The following CERKL variants were observed in gnomAD, a reference collection of about 807,000 sequenced individuals.
CERKL encodes ceramide kinase-like protein.
Under a neutral mutation model 63.4 loss-of-function variants are expected in CERKL, and 61 were observed. The ratio of observed to expected loss-of-function variants is 0.96; its 90% CI spans 0.78 to 1.19. The LOEUF is 1.19. Among genes scored for constraint, CERKL ranks in the 50% most tolerant of loss-of-function variants. CERKL has a pLI of 0.00. For synonymous variants in CERKL, 250 were observed against 230.5 expected (o/e 1.08, Z -0.77); for missense variants, 675 against 655.5 (o/e 1.03, Z -0.33).
chr2:181,629,231 A>G (rs1686844882), intron 1 of CERKL, among the ~76,000 whole-genome samples: 2 of 152,184 alleles, frequency 1.3e-5, no homozygotes, highest in African/African-American at 4.8e-5. Flanking sequence ...TAACCAAAAA[A>G]AAAGGTAATC....
intron 5 of CERKL, among the ~76,000 whole-genome samples, chr2:181,551,169 G>A (rs1687970889): frequency 6.6e-6 from 1 of 152,128 alleles, no homozygotes; most frequent in Non-Finnish European, 1.5e-5. Context: ...AATTGCCTTT[G>A]TTTGTAGGCA....
chr2:181,547,890 C>G (rs184936801), intron 8 of CERKL, 43 bp from the exon 9 acceptor site: 19 of 1,564,526 alleles, frequency 1.2e-5, no homozygotes, highest in Non-Finnish European at 1.6e-5. Flanking sequence ...ACAGATAACG[C>G]GCGCACAGAC....
chr2:181,562,749 TG>T (rs1346953964), intron 4 of CERKL, among the ~76,000 whole-genome samples: 1 of 152,194 alleles, frequency 6.6e-6, no homozygotes, highest in Non-Finnish European at 1.5e-5. Flanking sequence ...TTTTAATGAA[TG>T]TTTTTATACT....
chr2:181,589,983 T>C, intron 2 of CERKL, among the ~76,000 whole-genome samples: 1 of 151,970 alleles, frequency 6.6e-6, no homozygotes, highest in Admixed American at 6.6e-5. Flanking sequence ...CAGCTAATTT[T>C]TTTTTTTTTC....
In CERKL at chr2:181,558,755, T is replaced by A; in HGVS notation, c.678-47A>T. 6.3e-7 allele frequency: 1 copy of A among 1,594,696 alleles called. No homozygotes were observed. On this transcript the variant is annotated intron_variant, in intron 4 of 12. Coordinates refer to ENST00000410087, the MANE Select transcript of CERKL (RefSeq NM_201548.5). The surrounding 1 kb of genome is among the most constrained non-coding windows in gnomAD (Gnocchi z 4.2). ...AAAGAAGGCAAAACTTCAGAATGAT[T>A]GGTAATAAGTCATGAAATCTAGACT...
intron 1 of CERKL, among the ~76,000 whole-genome samples, chr2:181,644,400 T>C (rs549985852): frequency 6.6e-6 from 1 of 152,380 alleles, no homozygotes; most frequent in African/African-American, 2.4e-5. Flanking sequence ...TGTATGATTC[T>C]ATAATTAAAA....
chr2:181,616,281 T>C (rs1398403487), intron 1 of CERKL, among the ~76,000 whole-genome samples: 1 of 148,856 alleles, frequency 6.7e-6, no homozygotes, highest in Non-Finnish European at 1.5e-5. Flanking sequence ...TGGTGCGATC[T>C]TGGCTCACTG....
At chr2:181,610,296 TACC>T in intron 1 of CERKL, among the ~76,000 whole-genome samples, 1 of 152,290 alleles carries the variant, frequency 6.6e-6, no homozygotes. Context: ...AACAACAAGA[TACC>T]ACTTTTTGCC....
intron 11 of CERKL, among the ~76,000 whole-genome samples, chr2:181,541,667 A>G (rs1687512270): frequency 6.6e-6 from 1 of 152,250 alleles, no homozygotes. Flanking sequence ...GAAGGCCAAA[A>G]GGAGGCTACT....
At position 181,544,237 on chromosome 2, in the gene CERKL, T is replaced by C. The variant is rs115132926; in HGVS notation, c.1365+463A>G. ...TTTTGAATGAATATTTGTATAAAAC[T>C]GTCATATTTTTAAATACATATCTAC... On this transcript the variant is annotated intron_variant, in intron 11 of 12. Coordinates refer to ENST00000410087, the MANE Select transcript of CERKL (RefSeq NM_201548.5). Among the ~76,000 whole-genome samples, 648 of 152,288 alleles carry C rather than the reference T, an allele frequency of 4.3e-3. 3 individuals carry two copies. Among genetic ancestry groups the C allele is most frequent in the Non-Finnish European group, 6.7e-3 (458 of 68,006 alleles).
At chr2:181,617,332 C>T (rs1047635874) in intron 1 of CERKL, 4 of 152,184 alleles carry the variant, frequency 2.6e-5, no homozygotes, top group Non-Finnish European at 1.5e-5. Flanking sequence ...GCTGAACTAG[C>T]TGTTTTTCAT....
intron 3 of CERKL, among the ~76,000 whole-genome samples, chr2:181,570,887 A>C (rs951592844): frequency 6.6e-6 from 1 of 152,086 alleles, no homozygotes; most frequent in Non-Finnish European, 1.5e-5. Context: ...TTCCAATTCC[A>C]TTTGGACTCA....
At chr2:181,596,723 T>A (rs905418885) in intron 2 of CERKL, among the ~76,000 whole-genome samples, 3 of 152,212 alleles carry the variant, frequency 2.0e-5, no homozygotes, top group Admixed American at 6.5e-5. Flanking sequence ...GGGTTCTACA[T>A]AAGTTCATTC....
intron 1 of CERKL, among the ~76,000 whole-genome samples, chr2:181,608,340 G>C (rs111847576): frequency 2.3e-3 from 336 of 147,482 alleles, no homozygotes; most frequent in African/African-American, 7.8e-3. Flanking sequence ...ATTAGTTATG[G>C]TCTTGTATCA....
intron 1 of CERKL, among the ~76,000 whole-genome samples, chr2:181,656,008 G>C (rs996450399): frequency 7.9e-5 from 12 of 152,124 alleles, no homozygotes; most frequent in African/African-American, 2.7e-4. Context: ...AAGGCTATTT[G>C]ACTAAGACGT....
chr2:181,543,410 T>G (rs1258787800), intron 11 of CERKL, among the ~76,000 whole-genome samples: 1 of 152,176 alleles, frequency 6.6e-6, no homozygotes, highest in East Asian at 1.9e-4. Context: ...GCTGATCTAC[T>G]TTGACATATA....
intron 2 of CERKL, among the ~76,000 whole-genome samples, chr2:181,602,585 C>T (rs974772057): frequency 6.6e-6 from 1 of 152,180 alleles, no homozygotes; most frequent in Non-Finnish European, 1.5e-5. Context: ...AGCATGGAGC[C>T]ACTTAGTAAG....
chr2:181,637,103 T>C (rs1687211241), intron 1 of CERKL, among the ~76,000 whole-genome samples: 1 of 152,192 alleles, frequency 6.6e-6, no homozygotes, highest in African/African-American at 2.4e-5. Flanking sequence ...TCATTTATTA[T>C]GTATCAGGCT....
In CERKL at chr2:181,573,768, T is replaced by A. The variant is rs398122963; in HGVS notation, c.598A>T (p.Lys200Ter). 1.4e-5 allele frequency: 22 copies of A among 1,612,486 alleles called. No homozygotes were observed. The highest frequency in any genetic ancestry group is 1.9e-5 in the Non-Finnish European group (22 of 1,179,116). The change falls in exon 3 of 13, where the codon AAA (lysine) becomes TAA (stop). Residue 200 changes from lysine (K) to a stop codon, truncating the protein, a stop_gained. Transcript: ENST00000410087. LOFTEE classifies it high-confidence loss of function. Reference sequence around the variant, plus strand: ...AATTACTTACTTGTTACATCAGTTTTTATTCCTGCAAGCTTCAACAGAGGT... The same window carrying A: ...AATTACTTACTTGTTACATCAGTTTATATTCCTGCAAGCTTCAACAGAGGT... ...VEPLLKLAGI[K>*]TDVTIMEYEG...
Sources: gnomAD v4.1 joint callset for allele counts (sites outside exome capture counted in the v4.1 genomes callset) on GRCh38, gnomAD v4.1.1 for gene constraint, Gnocchi (gnomAD v3.1) non-coding constraint, MANE v1.5 for transcripts, NCBI Gene and HGNC (gene_info 2026-07-23, HGNC 2026-07-21) for gene names.